Variants in SPEG observed in about 807,000 individuals in gnomAD.
SPEG encodes striated muscle preferentially expressed protein kinase.
SPEG carries 114 observed loss-of-function variants against 300.4 expected under a neutral mutation model. The observed-to-expected ratio is 0.38, with a 90% CI of 0.33 to 0.44. The LOEUF (loss-of-function observed/expected upper bound fraction) is 0.44, where lower values mean the gene tolerates loss of function less well. Among genes scored for constraint, SPEG ranks in the 20% least tolerant of loss-of-function variants. SPEG has a pLI of 1.00. For synonymous variants in SPEG, 1,964 were observed against 2,018.9 expected (o/e 0.97, Z 0.73); for missense variants, 4,201 against 4,586.2 (o/e 0.92, Z 2.43).
At position 219,461,797 on chromosome 2, in the gene SPEG, C is replaced by CCTGGGCT. The variant is rs1460760298; in HGVS notation, c.2441-78_2441-72dup. 7 of 1,429,162 alleles carry CCTGGGCT rather than the reference C, an allele frequency of 4.9e-6. No homozygotes were observed. The African/African-American group carries it at 1.0e-4, about 20-fold the overall frequency. The allele number at this position is 1,429,162 out of a possible 1,614,324, so 88.5% of individuals were successfully genotyped here. On this transcript the variant is annotated intron_variant, in intron 6 of 40. Transcript: ENST00000312358. ...CGGCCTGCGGGGAGCTGCCGCAACTCCTGGGCTCTGGGCGACATTCCAGCC... is the reference window on the plus strand; with the variant it reads ...CGGCCTGCGGGGAGCTGCCGCAACTCCTGGGCTCTGGGCTCTGGGCGACATTCCAGCC...
chr2:219,439,716 C>T lies in SPEG; in HGVS notation c.388+4351C>T, dbSNP rs184309178. On this transcript the variant is annotated intron_variant, in intron 1 of 40. Coordinates refer to ENST00000312358, the MANE Select transcript of SPEG (RefSeq NM_005876.5). This position sits in a 1 kb window ranked among gnomAD's most constrained non-coding sequence, Gnocchi z 4.5. ...CCAGCCCTTCAGGAGTGAGCAGTGC[C>T]GACCCAGAGCAGGAACACAGAATCC... is the stretch of plus-strand genomic sequence containing the variant. Among the ~76,000 whole-genome samples, 3 of 152,242 alleles carry T rather than the reference C, an allele frequency of 2.0e-5. No individual in the cohort carries two copies. Among genetic ancestry groups the T allele is most frequent in the Non-Finnish European group, 4.4e-5 (3 of 68,002 alleles).
In SPEG at chr2:219,484,033, G is replaced by A. The variant is rs1693129461; in HGVS notation, c.6570G>A (p.Lys2190=). The change falls in exon 30 of 41, where the codon AAG becomes AAA. Residue 2190 remains lysine, a synonymous_variant. Transcript: ENST00000312358. Reference sequence around the variant, plus strand: ...GCGCCCCCAAACCCAGTACCCCTAAGTCTGCAGAACCTTCTGCCACCACAC... The same window carrying A: ...GCGCCCCCAAACCCAGTACCCCTAAATCTGCAGAACCTTCTGCCACCACAC... ...RPSAPKPSTP[K]SAEPSATTPS... is the part of the protein sequence containing the mutation. 1 of 1,613,368 alleles carries A rather than the reference G, an allele frequency of 6.2e-7. No individual in the cohort carries two copies. Among genetic ancestry groups the A allele is most frequent in the Admixed American group, 1.7e-5 (1 of 59,996 alleles).
chr2:219,477,694 A>C lies in SPEG; in HGVS notation c.4735A>C (p.Thr1579Pro), dbSNP rs779504640. The C allele has an allele frequency of 6.3e-6, 10 of 1,575,446 alleles. No individual in the cohort carries two copies. In the African/African-American group the frequency reaches 1.2e-4, roughly 19 times the overall value. The change falls in exon 21 of 41, where the codon ACA becomes CCA. Residue 1579 changes from threonine to proline, a missense_variant. Thr to Pro is a conservative substitution (Grantham distance 38). This residue lies in a region of SPEG where 1,047 missense variants were observed against 1,356.8 expected (regional missense o/e 0.77). Coordinates refer to ENST00000312358, the MANE Select transcript of SPEG (RefSeq NM_005876.5). The surrounding 1 kb of genome is among the most constrained non-coding windows in gnomAD (Gnocchi z 6.4). ...KAELAVHSAQ[T>P]AMEVEGVGED... Reference sequence around the variant, plus strand: ...CCATGACATCTCTGCCCCAGCTCAGACAGCTATGGAGGTCGAGGGGGTCGG... The same window carrying C: ...CCATGACATCTCTGCCCCAGCTCAGCCAGCTATGGAGGTCGAGGGGGTCGG...
intron 4 of SPEG, 175 bp from the exon 5 acceptor site, chr2:219,450,961 C>CT (rs1689699324): frequency 3.1e-6 from 2 of 644,864 alleles, no homozygotes; most frequent in African/African-American, 1.8e-5. Flanking sequence ...TTCTGACTTC[C>CT]TTTTTTCCCT....
rs1290197205 is a variant in SPEG, at chr2:219,443,046, G to A, written c.389-1607G>A. Reference sequence around the variant, plus strand: ...CTTGATGTTGCAGGTCTGGATGGGAGGCACAGGGACCTTAGGAACAAGCCT... The same window carrying A: ...CTTGATGTTGCAGGTCTGGATGGGAAGCACAGGGACCTTAGGAACAAGCCT... On this transcript the variant is annotated intron_variant, in intron 1 of 40. Coordinates refer to ENST00000312358, the MANE Select transcript of SPEG (RefSeq NM_005876.5). The surrounding 1 kb of genome is among the most constrained non-coding windows in gnomAD (Gnocchi z 4.6). The A allele has an allele frequency of 5.0e-6, 7 of 1,399,100 alleles. No individual in the cohort carries two copies. Among genetic ancestry groups the A allele is most frequent in the Non-Finnish European group, 6.0e-6 (6 of 1,000,480 alleles). 86.7% of individuals were successfully genotyped at this position (1,399,100 alleles called of 1,614,324 possible). A position where few individuals can be genotyped will look rare whatever the true frequency, so the allele number is the denominator to read the frequency against.
rs1689091567 is a variant in SPEG, at chr2:219,443,866, G to A, written c.389-787G>A. The stretch of plus-strand genomic sequence containing the variant: ...CCAAGTATGGGGGTCCCCAGTGCTG[G>A]GCACATCCCAGGTATCTCCCTCCCC... On this transcript the variant is annotated intron_variant, in intron 1 of 40. Coordinates refer to ENST00000312358, the MANE Select transcript of SPEG (RefSeq NM_005876.5). This position sits in a 1 kb window ranked among gnomAD's most constrained non-coding sequence, Gnocchi z 4.6. 2.0e-6 allele frequency: 1 copy of A among 489,702 alleles called. No individual in the cohort carries two copies. Among genetic ancestry groups the A allele is most frequent in the Non-Finnish European group, 3.8e-6 (1 of 262,334 alleles). 30.3% of individuals were successfully genotyped at this position (489,702 alleles called of 1,614,324 possible).
rs61743627 is a variant in SPEG, at chr2:219,479,994, G to A, written c.5196G>A (p.Ala1732=). 2,911 of 1,614,120 alleles carry A rather than the reference G, an allele frequency of 1.8e-3. 40 individuals are homozygous for A. In the African/African-American group the frequency reaches 0.031, roughly 17 times the overall value. ...PENLLVWDGA[A]GEQQVRICDF... is the part of the protein sequence containing the mutation. ...ACCTGCTGGTGTGGGATGGTGCTGC[G>A]GGCGAGCAGCAGGTGCGGATCTGTG... Residue 1732 remains alanine, a synonymous_variant, in exon 25 of 41, where the codon GCG becomes GCA. Coordinates refer to ENST00000312358, the MANE Select transcript of SPEG (RefSeq NM_005876.5). This position sits in a 1 kb window ranked among gnomAD's most constrained non-coding sequence, Gnocchi z 5.5.
rs569235160 is a variant in SPEG, at chr2:219,483,508, G to T, written c.6045G>T (p.Ser2015=). The change falls in exon 30 of 41, where the codon TCG becomes TCT. Residue 2015 remains serine (S), a synonymous_variant. Coordinates refer to ENST00000312358, the MANE Select transcript of SPEG (RefSeq NM_005876.5). The part of the protein sequence containing the change: ...PRRGELRRGS[S]AESALPRAGP... The stretch of plus-strand genomic sequence containing the variant: ...GGGGAGAGCTCCGCAGGGGCAGCTC[G>T]GCTGAGAGCGCCCTGCCCCGGGCCG... The T allele has an allele frequency of 2.8e-5, 40 of 1,418,854 alleles. No individual in the cohort carries two copies. The highest frequency in any genetic ancestry group is 3.3e-5 in the Admixed American group (1 of 30,384). The allele number at this position is 1,418,854 out of a possible 1,614,324, so 87.9% of individuals were successfully genotyped here.
chr2:219,464,814 C>T lies in SPEG; in HGVS notation c.2881+206C>T, dbSNP rs1047006164. ...CCCAAAGCTGCACAGCACATTGTTC[C>T]GTGCTCAGCTTACTACACAACACCA... On this transcript the variant is annotated intron_variant, in intron 9 of 40. Transcript: ENST00000312358. This position sits in a 1 kb window ranked among gnomAD's most constrained non-coding sequence, Gnocchi z 4.5. The T allele has an allele frequency of 1.6e-5, 9 of 575,058 alleles. No homozygotes were observed. Among genetic ancestry groups the T allele is most frequent in the South Asian group, 4.2e-5 (2 of 47,622 alleles). The allele number at this position is 575,058 out of a possible 1,614,324, so 35.6% of individuals were successfully genotyped here.
chr2:219,482,780 G>A lies in SPEG; in HGVS notation c.5566-4G>A, dbSNP rs1247661074. The A allele has an allele frequency of 1.9e-6, 3 of 1,613,546 alleles. No individual in the cohort carries two copies. The Admixed American group carries it at 5.0e-5, about 27-fold the overall frequency. ...CCCTCAAGCCCTCTTTCCTGGGTTT[G>A]CAGACTCAGGCAAAGGGCGCAGAGG... On this transcript the variant is annotated splice_region_variant and splice_polypyrimidine_tract_variant and intron_variant, in intron 28 of 40. Coordinates refer to ENST00000312358, the MANE Select transcript of SPEG (RefSeq NM_005876.5).
intron 1 of SPEG, chr2:219,442,093 C>CCGGGGG (rs1377205123): frequency 8.4e-7 from 1 of 1,194,504 alleles, no homozygotes; most frequent in Non-Finnish European, 1.0e-6. Flanking sequence ...GGTGAGGGCT[C>CCGGGGG]CGGGGGCGGG....
intron 38 of SPEG, 122 bp downstream of exon 38, chr2:219,491,078 T>C (rs1352269148): frequency 4.1e-6 from 3 of 724,318 alleles, no homozygotes; most frequent in African/African-American, 3.6e-5. Context: ...ATTCAAGCAA[T>C]GAACGAAGTA....
Position 219,451,760 on chromosome 2 carries a change from A to G in SPEG, c.2393A>G (p.Asn798Ser), listed in dbSNP as rs547189929. Residue 798 changes from asparagine (N) to serine (S), a missense_variant, in exon 6 of 41, where the codon AAC becomes AGC. Asn to Ser is a conservative substitution (Grantham distance 46). This residue lies in a region of SPEG where 1,258 missense variants were observed against 1,293.9 expected (regional missense o/e 0.97). Coordinates refer to ENST00000312358, the MANE Select transcript of SPEG (RefSeq NM_005876.5). The surrounding 1 kb of genome is among the most constrained non-coding windows in gnomAD (Gnocchi z 6.4). ...DAGSYMATAT[N>S]ELGQATCAAS... ...GGGAGCTATATGGCCACCGCCACCA[A>G]CGAGCTGGGCCAGGCCACCTGTGCC... 21 of 1,556,448 alleles carry G rather than the reference A, an allele frequency of 1.3e-5. No homozygotes were observed. The African/African-American group carries it at 2.4e-4, about 18-fold the overall frequency.
Position 219,444,954 on chromosome 2 carries a change from G to A in SPEG, c.608G>A (p.Gly203Asp), listed in dbSNP as rs765173121. The A allele has an allele frequency of 4.4e-6, 7 of 1,597,472 alleles. No homozygotes were observed. The highest frequency in any genetic ancestry group is 6.0e-6 in the Non-Finnish European group (7 of 1,172,222). ...CTGGAGCAGGAAGCGGGCAGTGGGG[G>A]TGGCACCCGCCGCCTCCCGGGCAGC... ...TVLEQEAGSG[G>D]GTRRLPGSPR... Residue 203 changes from glycine to aspartate, a missense_variant, in exon 3 of 41, where the codon GGT becomes GAT. This residue lies in a region of SPEG where 1,258 missense variants were observed against 1,293.9 expected (regional missense o/e 0.97). Transcript: ENST00000312358. The surrounding 1 kb of genome is among the most constrained non-coding windows in gnomAD (Gnocchi z 7.8).
chr2:219,472,369 G>A, intron 15 of SPEG, 38 bp downstream of exon 15: 1 of 1,574,164 alleles, frequency 6.4e-7, no homozygotes, highest in Non-Finnish European at 8.7e-7. Flanking sequence ...GTGGGGAAGG[G>A]GTGTGGAGAA....
At position 219,480,027 on chromosome 2, in the gene SPEG, G is replaced by A; in HGVS notation, c.5229G>A (p.Gly1743=). 1 of 1,614,144 alleles carries A rather than the reference G, an allele frequency of 6.2e-7. No homozygotes were observed. The highest frequency in any genetic ancestry group is 2.2e-5 in the East Asian group (1 of 44,876). The change falls in exon 25 of 41, where the codon GGG becomes GGA. Residue 1743 remains glycine, a synonymous_variant. Coordinates refer to ENST00000312358, the MANE Select transcript of SPEG (RefSeq NM_005876.5). This position sits in a 1 kb window ranked among gnomAD's most constrained non-coding sequence, Gnocchi z 5.3. The stretch of plus-strand genomic sequence containing the variant: ...AGCAGGTGCGGATCTGTGACTTTGG[G>A]AATGCCCAGGAGCTGACTCCAGGAG... ...GEQQVRICDF[G]NAQELTPGEP... is the part of the protein sequence containing the mutation.
rs1359576792 is a variant in SPEG, at chr2:219,464,664, C to A, written c.2881+56C>A. 4 of 1,557,268 alleles carry A rather than the reference C, an allele frequency of 2.6e-6. No individual in the cohort carries two copies. The highest frequency in any genetic ancestry group is 2.3e-5 in the East Asian group (1 of 44,362). On this transcript the variant is annotated intron_variant, in intron 9 of 40. Transcript: ENST00000312358. The surrounding 1 kb of genome is among the most constrained non-coding windows in gnomAD (Gnocchi z 4.5). ...CCTGGCCCTGGCCCCTTCCTTCCCC[C>A]ACTGTCTGCTCTCACACAGCCTCAG...
intron 3 of SPEG, among the ~76,000 whole-genome samples, chr2:219,446,134 G>A (rs1168871662): frequency 1.3e-5 from 2 of 151,942 alleles, no homozygotes; most frequent in Non-Finnish European, 2.9e-5. Flanking sequence ...TTAGAGCAGG[G>A]CTAGCGGTGG....
chr2:219,470,789 C>T (rs1691802667), intron 13 of SPEG, among the ~76,000 whole-genome samples: 1 of 152,084 alleles, frequency 6.6e-6, no homozygotes, highest in African/African-American at 2.4e-5. Flanking sequence ...AGCCGTGGGA[C>T]CTTGAACAAG....
Sources: gnomAD v4.1 joint callset for allele counts (sites outside exome capture counted in the v4.1 genomes callset) on GRCh38, gnomAD v4.1.1 for gene constraint, gnomAD v4.1.1 regional missense constraint, Gnocchi (gnomAD v3.1) non-coding constraint, MANE v1.5 for transcripts, NCBI Gene and HGNC (gene_info 2026-07-23, HGNC 2026-07-21) for gene names.